Variants in ANAPC7 observed in about 807,000 individuals in gnomAD.
ANAPC7 encodes anaphase-promoting complex subunit 7.
ANAPC7 carries 25 observed loss-of-function variants against 63.3 expected under a neutral mutation model. That is an observed-to-expected ratio of 0.39 (90% CI 0.29 to 0.55). The LOEUF is 0.55. Among genes scored for constraint, ANAPC7 ranks in the 20% least tolerant of loss-of-function variants. The pLI is 0.57. For missense variants in ANAPC7, 516 were observed against 691.7 expected, an observed-to-expected ratio of 0.75 and a Z score of 2.85; for synonymous variants, 241 against 251.7, an observed-to-expected ratio of 0.96 and a Z score of 0.40.
chr12:110,394,961 C>T (rs909029969), intron 3 of ANAPC7, 140 bp downstream of exon 3: 1 of 969,172 alleles, frequency 1.0e-6, no homozygotes, highest in African/African-American at 1.7e-5. Flanking sequence ...CCCCCACCCC[C>T]ACTCCATGAA....
chr12:110,399,212 G>C, intron 1 of ANAPC7, among the ~76,000 whole-genome samples: 1 of 151,570 alleles, frequency 6.6e-6, no homozygotes. Flanking sequence ...GTAGAGACGG[G>C]GTTTCGCCAT....
chr12:110,402,140 A>G (rs2062239828), intron 1 of ANAPC7, among the ~76,000 whole-genome samples: 1 of 150,774 alleles, frequency 6.6e-6, no homozygotes, highest in East Asian at 1.9e-4. Flanking sequence ...GCGCCACTCA[A>G]CTCCAGCATG....
In ANAPC7 at chr12:110,396,415, C is replaced by T. The variant is rs61942589; in HGVS notation, c.139G>A (p.Val47Met). 1 of 1,612,968 alleles carries T rather than the reference C, an allele frequency of 6.2e-7. No homozygotes were observed. The highest frequency in any genetic ancestry group is 1.1e-5 in the South Asian group (1 of 90,782). ...FSPPQKYQLL[V>M]YHADSLFHDK... is the part of the protein sequence containing the mutation. ...TGAAAGAGAGAATCTGCATGATACA[C>T]CAAAAGCTGGTACTTCTGAGGTGGG... The change falls in exon 2 of 11, where the codon GTG becomes ATG. Residue 47 changes from valine (V) to methionine (M), a missense_variant. Val to Met is a conservative substitution (Grantham distance 21). Around this residue, in one of 4 missense-constraint regions of ANAPC7, gnomAD observed 185 missense variants for 200.3 expected, o/e 0.92. Transcript: ENST00000455511.
intron 7 of ANAPC7, 151 bp from the exon 8 acceptor site, chr12:110,382,099 A>G: frequency 1.3e-6 from 1 of 788,718 alleles, no homozygotes; most frequent in Non-Finnish European, 1.8e-6. Context: ...AGATATTAGT[A>G]GAAAAGCAAA....
At chr12:110,387,699 A>T (rs778072322) in intron 5 of ANAPC7, 40 bp downstream of exon 5, 1 of 1,573,054 alleles carries the variant, frequency 6.4e-7, no homozygotes, top group Non-Finnish European at 8.7e-7. Context: ...CAGACAAGCA[A>T]AGGGCCTCAA....
intron 8 of ANAPC7, chr12:110,378,945 G>A (rs1881564034): frequency 6.7e-6 from 1 of 150,288 alleles, no homozygotes; most frequent in Non-Finnish European, 1.5e-5. Flanking sequence ...TGCAACCCAT[G>A]TCTCCTGGGT....
intron 8 of ANAPC7, chr12:110,377,835 C>A (rs1277251282): frequency 5.7e-5 from 81 of 1,412,772 alleles, no homozygotes; most frequent in Non-Finnish European, 7.3e-5. Flanking sequence ...AGACTGCCTT[C>A]AAAGGCACCT....
chr12:110,384,035 T>C (rs1277806326), intron 6 of ANAPC7, among the ~76,000 whole-genome samples: 1 of 150,398 alleles, frequency 6.6e-6, no homozygotes. Context: ...ACCCCGTCTC[T>C]ACTAAAAATA....
intron 8 of ANAPC7, 26 bp downstream of exon 8, chr12:110,381,726 C>G (rs368825963): frequency 6.2e-7 from 1 of 1,608,648 alleles, no homozygotes; most frequent in South Asian, 1.1e-5. Flanking sequence ...CGGATTCACA[C>G]CATTCACCTA....
intron 3 of ANAPC7, among the ~76,000 whole-genome samples, chr12:110,393,657 C>T (rs989116817): frequency 1.4e-4 from 22 of 151,882 alleles, no homozygotes; most frequent in African/African-American, 5.3e-4. Context: ...CACCTGAAGT[C>T]GGGAGTTCAA....
chr12:110,382,851 C>T lies in ANAPC7; in HGVS notation c.927G>A (p.Val309=). ...NISDQHAEPW[V]VSGCHSFYSK... ...AGAATGCATAATCATACCCAGAAAC[C>T]ACCCACGGTTCTGCATGCTGATCAG... is the stretch of plus-strand genomic sequence containing the variant. Residue 309 remains valine (V), a synonymous_variant, in exon 7 of 11, where the codon GTG becomes GTA. Coordinates refer to ENST00000455511, the MANE Select transcript of ANAPC7 (RefSeq NM_016238.3). 5 of 1,612,116 alleles carry T rather than the reference C, an allele frequency of 3.1e-6. No individual in the cohort carries two copies. The highest frequency in any genetic ancestry group is 4.2e-6 in the Non-Finnish European group (5 of 1,178,698).
intron 1 of ANAPC7, among the ~76,000 whole-genome samples, chr12:110,401,703 C>A (rs2062230594): frequency 6.6e-6 from 1 of 151,118 alleles, no homozygotes; most frequent in African/African-American, 2.4e-5. Context: ...CCAGACTGGT[C>A]GGCTGGGCGC....
intron 6 of ANAPC7, among the ~76,000 whole-genome samples, chr12:110,384,447 A>AGCACTTTGGGAGCACTTTGGGAC: frequency 6.6e-6 from 1 of 150,706 alleles, no homozygotes; most frequent in East Asian, 2.0e-4. Context: ...ACTCATGCCT[A>AGCACTTTGGGAGCACTTTGGGAC]TAATCCCAGC....
chr12:110,395,597 CTT>C (rs76468288), intron 2 of ANAPC7, among the ~76,000 whole-genome samples: 2 of 144,206 alleles, frequency 1.4e-5, no homozygotes, highest in Non-Finnish European at 1.5e-5. Flanking sequence ...GCCTCATCTT[CTT>C]TTTTTTTTTT....
intron 1 of ANAPC7, among the ~76,000 whole-genome samples, chr12:110,397,000 G>A (rs891091661): frequency 2.6e-5 from 4 of 151,436 alleles, no homozygotes; most frequent in East Asian, 3.9e-4. Context: ...TCAGGAGATC[G>A]AGACCATCCT....
intron 5 of ANAPC7, chr12:110,387,335 G>GAGAGAGAGAGAGAGAGAGAGA (rs1566269122): frequency 4.5e-5 from 1 of 22,222 alleles, no homozygotes; most frequent in Non-Finnish European, 8.0e-5. Context: ...GAGAGAGAGA[G>GAGAGAGAGAGAGAGAGAGAGA]GCAGAGAGAG....
intron 9 of ANAPC7, among the ~76,000 whole-genome samples, chr12:110,376,583 A>G (rs1035101698): frequency 2.7e-5 from 4 of 150,900 alleles, no homozygotes; most frequent in Non-Finnish European, 4.4e-5. Flanking sequence ...AAAAAAAAAA[A>G]AAAGAAATTT....
intron 2 of ANAPC7, among the ~76,000 whole-genome samples, chr12:110,395,442 G>T (rs1883489441): frequency 6.6e-6 from 1 of 151,782 alleles, no homozygotes; most frequent in African/African-American, 2.4e-5. Context: ...GGCCTTCTGA[G>T]TACTACAGGT....
intron 1 of ANAPC7, 173 bp from the exon 2 acceptor site, chr12:110,396,625 C>T: frequency 2.1e-6 from 1 of 480,860 alleles, no homozygotes; most frequent in South Asian, 2.5e-5. Context: ...ATTCTCCTTC[C>T]TCAGCCTCCC....
Sources: allele counts gnomAD v4.1 joint callset (sites outside exome capture counted in the v4.1 genomes callset), GRCh38; gene constraint gnomAD v4.1.1; regional missense constraint gnomAD v4.1.1; transcripts MANE v1.5; gene names NCBI Gene and HGNC (gene_info 2026-07-23, HGNC 2026-07-21).